The following JCAD variants were observed in gnomAD, a reference collection of about 807,000 sequenced individuals.
The protein encoded by JCAD is junctional cadherin 5 associated, also known as junctional cadherin 5-associated protein.
A neutral mutation model predicts 98.0 loss-of-function variants in JCAD; 40 were observed. That is an observed-to-expected ratio of 0.41 (90% confidence interval 0.32 to 0.53). JCAD has a LOEUF of 0.53. Among genes scored for constraint, JCAD ranks in the 20% least tolerant of loss-of-function variants. The pLI is 0.31. For missense variants in JCAD, 1,705 were observed against 1,738.1 expected (o/e 0.98, Z 0.34); for synonymous variants, 691 against 682.3 (o/e 1.01, Z -0.20).
At chr10:30,098,413 C>A (rs993712282) in intron 1 of JCAD, among the ~76,000 whole-genome samples, 1 of 152,186 alleles carries the variant, frequency 6.6e-6, no homozygotes, top group Non-Finnish European at 1.5e-5. Context: ...ATCCCCACCA[C>A]ATCTAGGCCT....
At position 30,092,125 on chromosome 10, in the gene JCAD, T is replaced by TAA. The variant is rs775484783; in HGVS notation, n.129-22306_129-22305dup. ...ATATATATATATATATATATATATA[T>TAA]AAAAAACATTTTAACTCTTTGCAAG... On this transcript the variant is annotated intron_variant and non_coding_transcript_variant, in intron 1 of 2. Coordinates refer to the JCAD transcript ENST00000465712. Among the ~76,000 whole-genome samples, 273 of 104,920 alleles carry TAA rather than the reference T, an allele frequency of 2.6e-3. 8 individuals carry two copies. Among genetic ancestry groups the TAA allele is most frequent in the Middle Eastern group, 0.02 (4 of 196 alleles). The allele number at this position is 104,920 out of a possible 152,430, so 68.8% of individuals were successfully genotyped here.
chr10:30,043,594 A>C (rs1837282524), intron 2 of JCAD, among the ~76,000 whole-genome samples: 1 of 152,180 alleles, frequency 6.6e-6, no homozygotes, highest in Non-Finnish European at 1.5e-5. Context: ...TCTCCCAGAC[A>C]GGAAAGGGAC....
chr10:30,061,459 A>G (rs1236229216), upstream of JCAD, among the ~76,000 whole-genome samples: 3 of 151,816 alleles, frequency 2.0e-5, no homozygotes, highest in Non-Finnish European at 2.9e-5. Context: ...GGAGAATCAC[A>G]TGAACCCGGG....
rs983474306 is a variant in JCAD at position 30,016,589 on chromosome 10, G to A, written c.*1294C>T. ...AATGGCATATATATAATGTCCCCAA[G>A]CACTTTCTAAAAATATGCAGAGACT... On this transcript the variant is annotated 3_prime_UTR_variant, in exon 4 of 4. Transcript: ENST00000375377. The A allele has an allele frequency of 1.3e-5, 2 of 151,854 alleles. No individual in the cohort carries two copies. The highest frequency in any genetic ancestry group is 4.8e-5 in the African/African-American group (2 of 41,312). The allele number at this position is 151,854 out of a possible 1,614,324, so 9.4% of individuals were successfully genotyped here.
intron 3 of JCAD, among the ~76,000 whole-genome samples, chr10:30,019,213 C>A (rs1319313046): frequency 6.6e-6 from 1 of 151,790 alleles, no homozygotes; most frequent in Non-Finnish European, 1.5e-5. Flanking sequence ...AAAAATTAAC[C>A]AGGCATGGTG....
At chr10:30,045,210 A>T (rs1371149517) in intron 2 of JCAD, among the ~76,000 whole-genome samples, 1 of 152,074 alleles carries the variant, frequency 6.6e-6, no homozygotes, top group Non-Finnish European at 1.5e-5. Flanking sequence ...TGGCGGCCAC[A>T]CTGCCCACAC....
intron 1 of JCAD, among the ~76,000 whole-genome samples, chr10:30,078,422 T>G (rs1049438631): frequency 3.3e-5 from 5 of 151,786 alleles, no homozygotes; most frequent in Non-Finnish European, 7.4e-5. Context: ...CTTCCTTTCT[T>G]TTTTTTTAAT....
intron 1 of JCAD, among the ~76,000 whole-genome samples, chr10:30,050,222 G>A (rs964928125): frequency 1.4e-5 from 2 of 147,714 alleles, no homozygotes; most frequent in Admixed American, 6.9e-5. Context: ...GCCTGAAGGA[G>A]GACAATCGCT....
chr10:30,013,028 C>T lies in JCAD; in HGVS notation c.*4855G>A, dbSNP rs374257551. The T allele has an allele frequency of 1.3e-4, 20 of 152,298 alleles. No homozygotes were observed. Among genetic ancestry groups the T allele is most frequent in the African/African-American group, 4.6e-4 (19 of 41,450 alleles). The allele number at this position is 152,298 out of a possible 1,614,324, so 9.4% of individuals were successfully genotyped here. On this transcript the variant is annotated 3_prime_UTR_variant, in exon 4 of 4. Coordinates refer to ENST00000375377, the MANE Select transcript of JCAD (RefSeq NM_020848.4). ...TCTCATCACCTTAAGGCATCCTGTA[C>T]CAGCCTGATCTGGGGGCGATGACTG...
Position 30,027,823 on chromosome 10 carries a change from C to G in JCAD, c.2325G>C (p.Pro775=), listed in dbSNP as rs779122568. 2 of 1,614,274 alleles carry G rather than the reference C, an allele frequency of 1.2e-6. No homozygotes were observed. The highest frequency in any genetic ancestry group is 1.7e-6 in the Non-Finnish European group (2 of 1,180,048). ...SRTSLSVDQA[P]TPKAGRSQPC... ...GCTGACTTCGGCCTGCTTTTGGCGT[C>G]GGTGCCTGGTCCACGGACAAGGAAG... is the stretch of plus-strand genomic sequence containing the variant. The change falls in exon 3 of 4, where the codon CCG becomes CCC. Residue 775 remains proline, a synonymous_variant. Transcript: ENST00000375377.
At chr10:30,107,407 CA>C (rs754670221) in intron 1 of JCAD, among the ~76,000 whole-genome samples, 4 of 152,166 alleles carry the variant, frequency 2.6e-5, no homozygotes, top group African/African-American at 4.8e-5. Flanking sequence ...AAGACACTCC[CA>C]CCAGTGCCAT....
intron 2 of JCAD, among the ~76,000 whole-genome samples, chr10:30,039,327 A>G (rs1837192368): frequency 1.3e-5 from 2 of 152,206 alleles, no homozygotes; most frequent in Non-Finnish European, 2.9e-5. Flanking sequence ...GACTAGGAGA[A>G]GTCCTGGTGA....
chr10:30,107,031 A>G (rs561126337), intron 1 of JCAD, among the ~76,000 whole-genome samples: 1 of 152,274 alleles, frequency 6.6e-6, no homozygotes, highest in East Asian at 1.9e-4. Flanking sequence ...TTCTTTATTA[A>G]CACTGGAGAA....
chr10:30,085,996 C>T (rs1429215155), intron 1 of JCAD, among the ~76,000 whole-genome samples: 2 of 151,990 alleles, frequency 1.3e-5, no homozygotes, highest in Non-Finnish European at 2.9e-5. Context: ...GAGTTGCAGG[C>T]AAAATGTATA....
At chr10:30,080,294 C>G (rs1265811614) in intron 1 of JCAD, among the ~76,000 whole-genome samples, 3 of 152,318 alleles carry the variant, frequency 2.0e-5, no homozygotes, top group Non-Finnish European at 4.4e-5. Context: ...AACAGCAACA[C>G]AGAGAACTCT....
At chr10:30,067,356 G>A (rs930061912) in intron 2 of JCAD, among the ~76,000 whole-genome samples, 4 of 151,606 alleles carry the variant, frequency 2.6e-5, no homozygotes, top group Non-Finnish European at 5.9e-5. Context: ...GACTTGCTCT[G>A]TTGCCCAGGC....
At position 30,029,357 on chromosome 10, in the gene JCAD, G is replaced by A; in HGVS notation, c.791C>T (p.Thr264Ile). 6.2e-7 allele frequency: 1 copy of A among 1,614,172 alleles called. No homozygotes were observed. Among genetic ancestry groups the A allele is most frequent in the Non-Finnish European group, 8.5e-7 (1 of 1,180,044 alleles). ...HSPKMPPYPP[T>I]CAPNLDSTRN... ...CGTGGAGTCCAAATTTGGTGCGCAA[G>A]TGGGAGGATACGGTGGCATTTTAGG... The change falls in exon 3 of 4, where the codon ACT becomes ATT. Residue 264 changes from threonine (T) to isoleucine (I), a missense_variant. Around this residue, in one of 3 missense-constraint regions of JCAD, gnomAD observed 275 missense variants for 346.9 expected, o/e 0.79. Coordinates refer to ENST00000375377, the MANE Select transcript of JCAD (RefSeq NM_020848.4).
intron 1 of JCAD, among the ~76,000 whole-genome samples, chr10:30,111,092 G>T (rs1326703589): frequency 6.6e-6 from 1 of 151,342 alleles, no homozygotes; most frequent in Non-Finnish European, 1.5e-5. Flanking sequence ...CTCTACCCCC[G>T]ACCTGATATA....
In JCAD at chr10:30,027,209, G is replaced by A; in HGVS notation, c.2939C>T (p.Ser980Leu). The A allele has an allele frequency of 6.2e-7, 1 of 1,614,194 alleles. No homozygotes were observed. The highest frequency in any genetic ancestry group is 1.6e-4 in the Middle Eastern group (1 of 6,062). Residue 980 changes from serine (S) to leucine (L), a missense_variant, in exon 3 of 4, where the codon TCA becomes TTA. By Grantham distance (145) the Ser-to-Leu change is moderately radical (BLOSUM62 -2). Transcript: ENST00000375377. Reference sequence around the variant, plus strand: ...CAGTGGTTTTGCGTCACTTGATCTTGAAGACATTCTCGTCACAGGAAATGG... The same window carrying A: ...CAGTGGTTTTGCGTCACTTGATCTTAAAGACATTCTCGTCACAGGAAATGG... Reference protein sequence around the residue: ...GSPFPVTRMSSRSSDAKPLPA... With the variant: ...GSPFPVTRMSLRSSDAKPLPA...
Sources: allele counts gnomAD v4.1 joint callset (sites outside exome capture counted in the v4.1 genomes callset), GRCh38; gene constraint gnomAD v4.1.1; regional missense constraint gnomAD v4.1.1; transcripts MANE v1.5; gene names NCBI Gene and HGNC (gene_info 2026-07-23, HGNC 2026-07-21).